Variants in KIF13A observed in about 807,000 individuals in gnomAD.
The protein encoded by KIF13A is kinesin-like protein KIF13A.
KIF13A carries 79 observed loss-of-function variants against 212.2 expected under a neutral mutation model. The ratio of observed to expected loss-of-function variants is 0.37; its 90% CI spans 0.31 to 0.45. KIF13A has a LOEUF of 0.45. Ranked by LOEUF, KIF13A falls within the 20% of genes least tolerant of loss-of-function variation. The pLI is 1.00. For synonymous variants in KIF13A, 789 were observed against 808.6 expected (o/e 0.98, Z 0.41); for missense variants, 1,901 against 2,209.0 (o/e 0.86, Z 2.79).
At position 17,780,790 on chromosome 6, in the gene KIF13A, G is replaced by C; in HGVS notation, c.3786C>G (p.His1262Gln). 1 of 1,614,020 alleles carries C rather than the reference G, an allele frequency of 6.2e-7. No homozygotes were observed. The highest frequency in any genetic ancestry group is 8.5e-7 in the Non-Finnish European group (1 of 1,179,878). ...LIVKTTVQLSHPAAMELVLRK... is the reference protein window; with the variant it reads ...LIVKTTVQLSQPAAMELVLRK... ...GTAATACTAACTCCATAGCAGCAGG[G>C]TGGCTGAGTTGAACTGTGGTTTTCA... Residue 1262 changes from histidine (H) to glutamine (Q), a missense_variant, in exon 31 of 39, where the codon CAC (histidine) becomes CAG (glutamine). Around this residue, in one of 5 missense-constraint regions of KIF13A, gnomAD observed 687 missense variants for 759.1 expected, o/e 0.90. Coordinates refer to ENST00000259711, the MANE Select transcript of KIF13A (RefSeq NM_022113.6).
Position 17,849,333 on chromosome 6 carries a change from C to T in KIF13A, c.830+44G>A. The T allele has an allele frequency of 7.1e-7, 1 of 1,403,508 alleles. No individual in the cohort carries two copies. Among genetic ancestry groups the T allele is most frequent in the Non-Finnish European group, 1.0e-6 (1 of 1,001,484 alleles). The allele number at this position is 1,403,508 out of a possible 1,614,324, so 86.9% of individuals were successfully genotyped here. On this transcript the variant is annotated intron_variant, in intron 9 of 38. Transcript: ENST00000259711. The surrounding 1 kb of genome is among the most constrained non-coding windows in gnomAD (Gnocchi z 5.7). ...ACCCTCATAATGCAACAAATCCCCTCCAGAAGGAAATCACCCAGGCTGTTC... is the reference window on the plus strand; with the variant it reads ...ACCCTCATAATGCAACAAATCCCCTTCAGAAGGAAATCACCCAGGCTGTTC...
intron 2 of KIF13A, chr6:17,953,495 T>C (rs1204084629): frequency 2.0e-5 from 3 of 152,240 alleles, no homozygotes; most frequent in Non-Finnish European, 4.4e-5. Context: ...TTGGGTTCTT[T>C]CTCTGCCTCC....
rs4716194 is a variant in KIF13A at position 17,839,469 on chromosome 6, G to A, written c.831-1886C>T. Among the ~76,000 whole-genome samples the A allele has an allele frequency of 0.6, 90,985 of 152,046 alleles. 27,841 individuals are homozygous for A. The highest frequency in any genetic ancestry group is 0.72 in the African/African-American group (29,993 of 41,472). On this transcript the variant is annotated intron_variant, in intron 9 of 38. Coordinates refer to ENST00000259711, the MANE Select transcript of KIF13A (RefSeq NM_022113.6). The surrounding 1 kb of genome is among the most constrained non-coding windows in gnomAD (Gnocchi z 4.3). The stretch of plus-strand genomic sequence containing the variant: ...GTGGAATATCATTTGGCCATAAAAG[G>A]GAATAAGTTCAGATACATGTATCAC...
chr6:17,887,860 A>AT (rs34369336), intron 3 of KIF13A, among the ~76,000 whole-genome samples: 2,179 of 136,980 alleles, frequency 0.016, 26 homozygotes, highest in African/African-American at 0.032. Flanking sequence ...TGTCCAGCTA[A>AT]TTTTTTTTTT....
chr6:17,764,721 T>G lies in KIF13A; in HGVS notation c.4807A>C (p.Ser1603Arg), dbSNP rs1758790451. 6.2e-7 allele frequency: 1 copy of G among 1,613,126 alleles called. No individual in the cohort carries two copies. Among genetic ancestry groups the G allele is most frequent in the African/African-American group, 1.3e-5 (1 of 74,900 alleles). Residue 1603 changes from serine to arginine, a missense_variant, in exon 39 of 39, where the codon AGT (serine) becomes CGT (arginine). By Grantham distance (110) the Ser-to-Arg change is moderately radical. Coordinates refer to ENST00000259711, the MANE Select transcript of KIF13A (RefSeq NM_022113.6). The surrounding 1 kb of genome is among the most constrained non-coding windows in gnomAD (Gnocchi z 5.1). ...SSITSGYFSH[S>R]ASNATLSDMV... is the part of the protein sequence containing the mutation. ...TCAGACAGGGTGGCATTGGAGGCACTGTGGGAAAAGTAGCCACTGGTAATA... is the reference window on the plus strand; with the variant it reads ...TCAGACAGGGTGGCATTGGAGGCACGGTGGGAAAAGTAGCCACTGGTAATA...
Position 17,927,503 on chromosome 6 carries a change from G to A in KIF13A, c.147-29323C>T, listed in dbSNP as rs112161529. Among the ~76,000 whole-genome samples, 1,051 of 152,236 alleles carry A rather than the reference G, an allele frequency of 6.9e-3. 13 individuals carry two copies. Among genetic ancestry groups the A allele is most frequent in the African/African-American group, 0.024 (989 of 41,546 alleles). On this transcript the variant is annotated intron_variant, in intron 2 of 38. Coordinates refer to ENST00000259711, the MANE Select transcript of KIF13A (RefSeq NM_022113.6). ...TAGAAGAGCAGTTCCCAGGGGCTTG[G>A]TTGGGGGTGGGGGACAGAAAATAAG...
rs1771227941 is a variant in KIF13A, at chr6:17,883,101, T to A, written c.160-9664A>T. The stretch of plus-strand genomic sequence containing the variant: ...TTTGCTGGGTATGGTGGCTCATGCC[T>A]ATAATCCCAGTGTTTTGAGAGGCTG... On this transcript the variant is annotated intron_variant, in intron 3 of 38. Transcript: ENST00000259711. This position sits in a 1 kb window ranked among gnomAD's most constrained non-coding sequence, Gnocchi z 4.8. Among the ~76,000 whole-genome samples the A allele has an allele frequency of 6.6e-6, 1 of 152,202 alleles. No individual in the cohort carries two copies. Among genetic ancestry groups the A allele is most frequent in the Non-Finnish European group, 1.5e-5 (1 of 68,038 alleles).
chr6:17,799,965 T>G lies in KIF13A; in HGVS notation c.2603A>C (p.Lys868Thr). Residue 868 changes from lysine to threonine, a missense_variant, in exon 21 of 39, where the codon AAG becomes ACG. Lys to Thr is a moderately conservative substitution (Grantham distance 78). This residue lies in a region of KIF13A where 534 missense variants were observed against 536.9 expected (regional missense o/e 0.99). Transcript: ENST00000259711. The surrounding 1 kb of genome is among the most constrained non-coding windows in gnomAD (Gnocchi z 4.4). ...CTGTCCTCTCACCCGACATGTCAGC[T>G]TTTTGACTCGGTGAATGATTTCCCC... The part of the protein sequence containing the change: ...SSGEIIHRVK[K>T]LTCRVKIKEA... 6.2e-7 allele frequency: 1 copy of G among 1,613,908 alleles called. No individual in the cohort carries two copies. Among genetic ancestry groups the G allele is most frequent in the Non-Finnish European group, 8.5e-7 (1 of 1,179,828 alleles).
chr6:17,863,054 G>A (rs1768984749), intron 4 of KIF13A, among the ~76,000 whole-genome samples: 1 of 152,182 alleles, frequency 6.6e-6, no homozygotes, highest in East Asian at 1.9e-4. Context: ...CCACGATCGT[G>A]CCACTGCACT....
At chr6:17,962,182 G>A (rs982846774) in intron 2 of KIF13A, among the ~76,000 whole-genome samples, 2 of 151,944 alleles carry the variant, frequency 1.3e-5, no homozygotes, top group Non-Finnish European at 2.9e-5. Flanking sequence ...GTGGTGGGGC[G>A]TGCCTGTAAT....
Position 17,794,516 on chromosome 6 carries a change from T to C in KIF13A, c.3075+56A>G. 1 of 1,574,084 alleles carries C rather than the reference T, an allele frequency of 6.4e-7. No homozygotes were observed. The highest frequency in any genetic ancestry group is 8.6e-7 in the Non-Finnish European group (1 of 1,161,912). ...AGTTAGAAAATCCCCAGAAACAATG[T>C]GTAAGAGTGGAACAGAGAGAAAACA... On this transcript the variant is annotated intron_variant, in intron 24 of 38. Transcript: ENST00000259711. This position sits in a 1 kb window ranked among gnomAD's most constrained non-coding sequence, Gnocchi z 4.1.
At chr6:17,955,907 T>C (rs1314201299) in intron 2 of KIF13A, among the ~76,000 whole-genome samples, 1 of 152,252 alleles carries the variant, frequency 6.6e-6, no homozygotes, top group Admixed American at 6.5e-5. Context: ...CTGTCTTTTA[T>C]ATTTAAAGAT....
intron 2 of KIF13A, among the ~76,000 whole-genome samples, chr6:17,960,187 A>C (rs1407812102): frequency 1.3e-5 from 2 of 152,206 alleles, no homozygotes; most frequent in Admixed American, 1.3e-4. Flanking sequence ...TCTGCCAACA[A>C]GGTAAAATCA....
chr6:17,835,195 C>CAAAAAAAAAAAAAAAAAAAAAAAAA (rs61697144), intron 11 of KIF13A, among the ~76,000 whole-genome samples: 1 of 45,952 alleles, frequency 2.2e-5, no homozygotes, highest in African/African-American at 6.9e-5. Flanking sequence ...CCGCCCCCGC[C>CAAAAAAAAAAAAAAAAAAAAAAAAA]AAAAAAAAAA....
intron 2 of KIF13A, among the ~76,000 whole-genome samples, chr6:17,965,500 C>T (rs1779223441): frequency 6.6e-6 from 1 of 152,170 alleles, no homozygotes; most frequent in Non-Finnish European, 1.5e-5. Context: ...AATGGTTCTC[C>T]AATCCTTACA....
intron 18 of KIF13A, among the ~76,000 whole-genome samples, chr6:17,806,379 A>C (rs1762951581): frequency 6.6e-6 from 1 of 152,170 alleles, no homozygotes. Context: ...TTGTGTATAA[A>C]TCTCTATGGA....
At chr6:17,956,365 A>G (rs572732235) in intron 2 of KIF13A, among the ~76,000 whole-genome samples, 1 of 152,364 alleles carries the variant, frequency 6.6e-6, no homozygotes, top group Admixed American at 6.5e-5. Context: ...ACACTTTTTC[A>G]AAGACCATCA....
In KIF13A at chr6:17,768,107, T is replaced by C. The variant is rs1490666872; in HGVS notation, c.4581+3007A>G. On this transcript the variant is annotated intron_variant, in intron 38 of 38. Transcript: ENST00000259711. This position sits in a 1 kb window ranked among gnomAD's most constrained non-coding sequence, Gnocchi z 5.4. ...TGAATGTTTATTGAGTTATTGCCAA[T>C]TAAGGGAGGATTTAATTGGCTTAAA... Among the ~76,000 whole-genome samples, 1 of 152,212 alleles carries C rather than the reference T, an allele frequency of 6.6e-6. No homozygotes were observed. The highest frequency in any genetic ancestry group is 1.5e-5 in the Non-Finnish European group (1 of 68,034).
Position 17,787,013 on chromosome 6 carries a change from A to G in KIF13A, c.3361+763T>C, listed in dbSNP as rs1427527856. On this transcript the variant is annotated intron_variant, in intron 27 of 38. Transcript: ENST00000259711. The surrounding 1 kb of genome is among the most constrained non-coding windows in gnomAD (Gnocchi z 4.6). ...TAGCATAAGCAAACTGCACCCTTGG[A>G]GCTGAGTGGCAGTGAATAGAGTTGT... 6.6e-6 allele frequency among the ~76,000 whole-genome samples: 1 copy of G among 152,146 alleles called. No homozygotes were observed. The highest frequency in any genetic ancestry group is 1.5e-5 in the Non-Finnish European group (1 of 68,042).
Sources: gnomAD v4.1 joint callset for allele counts (sites outside exome capture counted in the v4.1 genomes callset) on GRCh38, gnomAD v4.1.1 for gene constraint, gnomAD v4.1.1 regional missense constraint, Gnocchi (gnomAD v3.1) non-coding constraint, MANE v1.5 for transcripts, NCBI Gene and HGNC (gene_info 2026-07-23, HGNC 2026-07-21) for gene names.